Variants in PI4KA observed in about 807,000 individuals in gnomAD.
PI4KA encodes phosphatidylinositol 4-kinase alpha.
In PI4KA, 122 loss-of-function variants were observed where a neutral mutation model predicts 271.4. The ratio of observed to expected loss-of-function variants is 0.45; its 90% confidence interval spans 0.39 to 0.52. The LOEUF (loss-of-function observed/expected upper bound fraction) is 0.52. PI4KA is among the 20% of genes least tolerant of loss of function. PI4KA has a pLI of 0.00. For missense variants in PI4KA, 1,969 were observed against 2,769.1 expected (o/e 0.71, Z 6.48); for synonymous variants, 1,041 against 1,078.8 (o/e 0.96, Z 0.69).
chr22:20,835,361 T>C (rs530007444), intron 2 of PI4KA, among the ~76,000 whole-genome samples: 66 of 152,182 alleles, frequency 4.3e-4, no homozygotes, highest in Non-Finnish European at 7.6e-4. Context: ...AGAGAAGAAG[T>C]GTGCTCTAGA....
Position 20,804,141 on chromosome 22 carries a change from G to GCAC in PI4KA, c.1461+158_1461+159insGTG, listed in dbSNP as rs577036132. On this transcript the variant is annotated intron_variant, in intron 12 of 54. Transcript: ENST00000255882. ...CTGCAGGGGGCAGCCCACACTCAGT[G>GCAC]ATGAACTGTGCACAGCACGCACTGG... 0.03 allele frequency among the ~76,000 whole-genome samples: 4,536 copies of GCAC among 152,298 alleles called. 223 individuals carry two copies. Among genetic ancestry groups the GCAC allele is most frequent in the African/African-American group, 0.1 (4,250 of 41,546 alleles).
chr22:20,731,941 TA>T (rs1209750106), intron 36 of PI4KA, among the ~76,000 whole-genome samples: 6 of 121,322 alleles, frequency 4.9e-5, no homozygotes, highest in African/African-American at 9.8e-5. Context: ...AAAATAAAAA[TA>T]AAAAAAAAAG....
rs750794403 is a variant in PI4KA, at chr22:20,727,879, G to A, written c.4683-15C>T. On this transcript the variant is annotated splice_polypyrimidine_tract_variant and intron_variant, in intron 39 of 54. Transcript: ENST00000255882. ...TGTTCTTAAACCTACAGTGCACAGA[G>A]GGTATGGGTGGTGCTGCCTCGCCAG... 3.1e-6 allele frequency: 5 copies of A among 1,602,768 alleles called. No individual in the cohort carries two copies. In the East Asian group the frequency reaches 6.7e-5, roughly 21 times the overall value.
chr22:20,802,914 G>A (rs1288924565), intron 13 of PI4KA, among the ~76,000 whole-genome samples: 3 of 152,182 alleles, frequency 2.0e-5, no homozygotes, highest in African/African-American at 7.2e-5. Flanking sequence ...CCCTGGCTAA[G>A]TGTTTGGGGC....
intron 19 of PI4KA, among the ~76,000 whole-genome samples, chr22:20,792,408 C>T (rs1374514138): frequency 6.6e-6 from 1 of 152,164 alleles, no homozygotes; most frequent in South Asian, 2.1e-4. Flanking sequence ...CCACCAGGCC[C>T]ACCCCTCTGG....
chr22:20,749,200 A>G (rs1256281637), intron 28 of PI4KA, among the ~76,000 whole-genome samples: 3 of 152,148 alleles, frequency 2.0e-5, no homozygotes, highest in African/African-American at 7.2e-5. Context: ...TGGCTGCTCT[A>G]TCCTTCCTGG....
intron 8 of PI4KA, 81 bp from the exon 9 acceptor site, chr22:20,811,113 A>T (rs1935978319): frequency 1.0e-6 from 1 of 1,000,246 alleles, no homozygotes; most frequent in East Asian, 2.4e-5. Flanking sequence ...AAAACCCATG[A>T]CAAACTCACA....
intron 9 of PI4KA, among the ~76,000 whole-genome samples, chr22:20,809,457 T>C (rs1047040209): frequency 7.2e-5 from 11 of 151,886 alleles, no homozygotes; most frequent in African/African-American, 2.2e-4. Context: ...TATGAAACTG[T>C]TTCTTCAAAT....
At chr22:20,823,705 G>A (rs562205240) in intron 4 of PI4KA, among the ~76,000 whole-genome samples, 16 of 152,278 alleles carry the variant, frequency 1.1e-4, no homozygotes, top group African/African-American at 3.1e-4. Context: ...CTGGGAGGTC[G>A]AGGCAGAAGG....
chr22:20,748,216 G>A (rs889633881), intron 28 of PI4KA, among the ~76,000 whole-genome samples: 2 of 152,224 alleles, frequency 1.3e-5, no homozygotes, highest in African/African-American at 2.4e-5. Context: ...CCAATTCCCC[G>A]AGCGGCTGTC....
At chr22:20,830,860 C>T (rs187847006) in intron 3 of PI4KA, among the ~76,000 whole-genome samples, 207 of 152,234 alleles carry the variant, frequency 1.4e-3, no homozygotes, top group African/African-American at 4.6e-3. Context: ...TAACCTCCAC[C>T]TCCTGGGTTC....
At chr22:20,824,451 A>G (rs748649065) in intron 3 of PI4KA, 37 bp from the exon 4 acceptor site, 1 of 1,443,702 alleles carries the variant, frequency 6.9e-7, no homozygotes, top group Non-Finnish European at 9.7e-7. Flanking sequence ...ATAACCAGGA[A>G]CCAGATACTG....
rs751140010 is a variant in PI4KA, at chr22:20,840,130, G to A, written c.157-1399C>T. On this transcript the variant is annotated intron_variant, in intron 1 of 54. Coordinates refer to ENST00000255882, the MANE Select transcript of PI4KA (RefSeq NM_058004.4). ...CCTGGCAGATGAAACTAATGTGCTA[G>A]AAGACAGCACGAAGACTTGAAAACT... 1.8e-4 allele frequency among the ~76,000 whole-genome samples: 27 copies of A among 152,322 alleles called. No homozygotes were observed. In the South Asian group the frequency reaches 2.1e-3, roughly 12 times the overall value.
intron 4 of PI4KA, among the ~76,000 whole-genome samples, chr22:20,821,021 C>T (rs73162825): frequency 1.3e-5 from 2 of 152,162 alleles, no homozygotes; most frequent in Non-Finnish European, 1.5e-5. Flanking sequence ...TCTGATTTTA[C>T]GGTAGTCCAG....
At chr22:20,853,627 T>C (rs561400385) in intron 1 of PI4KA, among the ~76,000 whole-genome samples, 1 of 152,330 alleles carries the variant, frequency 6.6e-6, no homozygotes, top group African/African-American at 2.4e-5. Context: ...CTGAGGTGGG[T>C]TCCAATCCTG....
At chr22:20,849,832 C>A (rs1043276092) in intron 1 of PI4KA, among the ~76,000 whole-genome samples, 2 of 152,032 alleles carry the variant, frequency 1.3e-5, no homozygotes, top group Non-Finnish European at 2.9e-5. Flanking sequence ...CTAGCCTGGG[C>A]TCCAGAGCGA....
At chr22:20,843,824 T>C (rs1016216481) in intron 1 of PI4KA, among the ~76,000 whole-genome samples, 1 of 152,224 alleles carries the variant, frequency 6.6e-6, no homozygotes, top group South Asian at 2.1e-4. Context: ...TTCTGGTTCA[T>C]ATACCTTCAA....
intron 1 of PI4KA, among the ~76,000 whole-genome samples, chr22:20,839,141 C>T (rs1925246729): frequency 6.6e-6 from 1 of 152,130 alleles, no homozygotes; most frequent in African/African-American, 2.4e-5. Flanking sequence ...CACTTGAACC[C>T]AGGAGACAGA....
chr22:20,731,058 A>G (rs552543130), intron 36 of PI4KA, among the ~76,000 whole-genome samples: 2 of 152,080 alleles, frequency 1.3e-5, no homozygotes, highest in African/African-American at 4.8e-5. Context: ...ATGTGTCTGT[A>G]GTCTTAGCTG....
Sources: allele counts gnomAD v4.1 joint callset (sites outside exome capture counted in the v4.1 genomes callset), GRCh38; gene constraint gnomAD v4.1.1; transcripts MANE v1.5; gene names NCBI Gene and HGNC (gene_info 2026-07-23, HGNC 2026-07-21).